The following VPS13B variants were observed in gnomAD, a reference collection of about 807,000 sequenced individuals.
VPS13B encodes the protein intermembrane lipid transfer protein VPS13B.
Under a neutral mutation model 426.4 loss-of-function variants are expected in VPS13B, and 285 were observed. That is an observed-to-expected ratio of 0.67 (90% CI 0.61 to 0.74). VPS13B has a LOEUF of 0.74. Ranked by LOEUF, VPS13B falls within the 30% of genes least tolerant of loss-of-function variation. The pLI is 0.00. For synonymous variants in VPS13B, 1,676 were observed against 1,676.4 expected (o/e 1.00, Z 0.01); for missense variants, 4,537 against 4,782.6 (o/e 0.95, Z 1.51).
chr8:99,821,206 A>G lies in VPS13B; in HGVS notation c.8995-88A>G, dbSNP rs902189647. 11 of 1,352,926 alleles carry G rather than the reference A, an allele frequency of 8.1e-6. No homozygotes were observed. The African/African-American group carries it at 1.2e-4, about 14-fold the overall frequency. 83.8% of individuals were successfully genotyped at this position (1,352,926 alleles called of 1,614,324 possible). A position where few individuals can be genotyped will look rare whatever the true frequency, so the allele number is the denominator to read the frequency against. Reference sequence around the variant, plus strand: ...TTGGTTACCTTAGTAGACCTATTATATAATATTAAAAAAAAAATCCTGAGG... The same window carrying G: ...TTGGTTACCTTAGTAGACCTATTATGTAATATTAAAAAAAAAATCCTGAGG... On this transcript the variant is annotated intron_variant, in intron 49 of 61. Coordinates refer to ENST00000357162, the MANE Select transcript of VPS13B (RefSeq NM_152564.5).
chr8:99,727,278 A>AT (rs1833389405), intron 39 of VPS13B, among the ~76,000 whole-genome samples: 1 of 152,230 alleles, frequency 6.6e-6, no homozygotes, highest in Non-Finnish European at 1.5e-5. Flanking sequence ...GGAAAATAGA[A>AT]TTATCCTTTT....
At chr8:99,712,382 T>A (rs1042053241) in intron 36 of VPS13B, among the ~76,000 whole-genome samples, 3 of 152,230 alleles carry the variant, frequency 2.0e-5, no homozygotes, top group African/African-American at 7.2e-5. Context: ...GTGGTTTTCA[T>A]TGAATATTAT....
At chr8:99,277,289 A>T (rs1818947738) in intron 19 of VPS13B, among the ~76,000 whole-genome samples, 1 of 152,140 alleles carries the variant, frequency 6.6e-6, no homozygotes, top group Non-Finnish European at 1.5e-5. Flanking sequence ...AATATATTTT[A>T]ACTTAAAACT....
intron 35 of VPS13B, chr8:99,697,462 C>T: frequency 2.8e-6 from 2 of 725,714 alleles, no homozygotes; most frequent in Non-Finnish European, 5.0e-6. Context: ...AAATCGACAT[C>T]CTCAGCGATG....
At chr8:99,558,084 C>A (rs1348188912) in intron 31 of VPS13B, among the ~76,000 whole-genome samples, 1 of 152,106 alleles carries the variant, frequency 6.6e-6, no homozygotes, top group Admixed American at 6.6e-5. Flanking sequence ...TCTACCAAAA[C>A]TACATTTGTC....
intron 33 of VPS13B, among the ~76,000 whole-genome samples, chr8:99,588,232 A>G (rs1419108398): frequency 6.6e-6 from 1 of 151,668 alleles, no homozygotes; most frequent in Non-Finnish European, 1.5e-5. Context: ...CTTGTAGTAT[A>G]GTTTGAAGTC....
Position 99,115,856 on chromosome 8 carries a change from A to G in VPS13B, c.919A>G (p.Met307Val). 2 of 1,613,252 alleles carry G rather than the reference A, an allele frequency of 1.2e-6. No homozygotes were observed. Among genetic ancestry groups the G allele is most frequent in the East Asian group, 2.2e-5 (1 of 44,744 alleles). ...GGACCTTACTTGTCATAATAAAGAT[A>G]TGCTAGGAAACATTACAGGTAATGT... ...IEDLTCHNKD[M>V]LGNITGSEDE... Residue 307 changes from methionine to valine, a missense_variant, in exon 7 of 62, where the codon ATG becomes GTG. Physicochemically the swap from Met to Val is conservative, Grantham distance 21 (BLOSUM62 1). Transcript: ENST00000357162.
intron 33 of VPS13B, among the ~76,000 whole-genome samples, chr8:99,582,406 A>G (rs1182583949): frequency 6.6e-6 from 1 of 152,174 alleles, no homozygotes; most frequent in Non-Finnish European, 1.5e-5. Flanking sequence ...TGAATGGCCT[A>G]TCATATCTTG....
chr8:99,233,859 G>A (rs1190893320), intron 17 of VPS13B: 25 of 779,700 alleles, frequency 3.2e-5, no homozygotes, highest in Non-Finnish European at 5.7e-5. Flanking sequence ...GCCTCTTTCT[G>A]CATGCTTTCA....
chr8:99,554,606 A>G (rs1222016497), intron 30 of VPS13B, among the ~76,000 whole-genome samples: 1 of 152,114 alleles, frequency 6.6e-6, no homozygotes, highest in African/African-American at 2.4e-5. Flanking sequence ...CTGATAAGTC[A>G]ATGTGGTATT....
intron 5 of VPS13B, 126 bp downstream of exon 5, chr8:99,103,246 G>C: frequency 2.8e-6 from 3 of 1,074,400 alleles, no homozygotes; most frequent in Non-Finnish European, 4.2e-6. Context: ...TCCAGTGTGG[G>C]AAAAAAATGC....
chr8:99,517,451 T>C (rs1822144644), intron 29 of VPS13B, among the ~76,000 whole-genome samples: 1 of 152,314 alleles, frequency 6.6e-6, no homozygotes, highest in African/African-American at 2.4e-5. Flanking sequence ...CTTTCAGGCT[T>C]ATAATATACG....
intron 34 of VPS13B, among the ~76,000 whole-genome samples, chr8:99,659,380 A>G (rs1489353636): frequency 6.6e-6 from 1 of 151,940 alleles, no homozygotes; most frequent in Non-Finnish European, 1.5e-5. Flanking sequence ...ACTGTCACAT[A>G]TGTTACAATT....
chr8:99,038,260 A>G (rs2132221397), intron 2 of VPS13B, among the ~76,000 whole-genome samples, 163 bp from the exon 3 acceptor site: 1 of 152,258 alleles, frequency 6.6e-6, no homozygotes, highest in African/African-American at 2.4e-5. Context: ...TTTCTCTTTT[A>G]AGAAAGGAAT....
chr8:99,070,603 G>C (rs1364983099), intron 3 of VPS13B, among the ~76,000 whole-genome samples: 1 of 151,842 alleles, frequency 6.6e-6, no homozygotes. Flanking sequence ...TTGTTTTTCT[G>C]ATACTCCCCT....
At chr8:99,605,936 C>A (rs1004039989) in intron 33 of VPS13B, among the ~76,000 whole-genome samples, 1 of 152,194 alleles carries the variant, frequency 6.6e-6, no homozygotes, top group Non-Finnish European at 1.5e-5. Flanking sequence ...CACTGTATCA[C>A]CCAGGCTAGA....
In VPS13B at chr8:99,096,369, A is replaced by C. The variant is rs1263743749; in HGVS notation, c.349A>C (p.Lys117Gln). ...STNRSTAESTKSSIKPRRMQQ... is the reference protein window; with the variant it reads ...STNRSTAESTQSSIKPRRMQQ... The stretch of plus-strand genomic sequence containing the variant: ...CAACCGTAGTACTGCTGAGAGCACA[A>C]AATCATCAATCAAACCGCGGAGAAT... The change falls in exon 4 of 62, where the codon AAA becomes CAA. Residue 117 changes from lysine (K) to glutamine (Q), a missense_variant. Coordinates refer to ENST00000357162, the MANE Select transcript of VPS13B (RefSeq NM_152564.5). 1 of 1,614,004 alleles carries C rather than the reference A, an allele frequency of 6.2e-7. No homozygotes were observed. The highest frequency in any genetic ancestry group is 1.7e-5 in the Admixed American group (1 of 60,000).
chr8:99,696,789 T>C, intron 35 of VPS13B: 1 of 1,412,614 alleles, frequency 7.1e-7, no homozygotes, highest in Non-Finnish European at 1.0e-6. Context: ...TCCAAATTAT[T>C]TGAGAATGAG....
intron 30 of VPS13B, among the ~76,000 whole-genome samples, chr8:99,547,510 A>C (rs755725437): frequency 1.6e-4 from 24 of 152,090 alleles, no homozygotes; most frequent in Non-Finnish European, 2.9e-4. Flanking sequence ...CTTTACAGTG[A>C]ATTCCCGAGA....
Sources: gnomAD v4.1 joint callset for allele counts (sites outside exome capture counted in the v4.1 genomes callset) on GRCh38, gnomAD v4.1.1 for gene constraint, MANE v1.5 for transcripts, NCBI Gene and HGNC (gene_info 2026-07-23, HGNC 2026-07-21) for gene names.